The following ACVR1B variants were observed in gnomAD, a reference collection of about 807,000 sequenced individuals.
ACVR1B encodes the protein activin A receptor type 1B.
A neutral mutation model predicts 55.6 loss-of-function variants in ACVR1B; 15 were observed. The observed-to-expected ratio is 0.27, with a 90% CI of 0.18 to 0.42. ACVR1B has a LOEUF of 0.42. ACVR1B is among the 10% of genes least tolerant of loss of function. ACVR1B has a pLI of 1.00. For missense variants in ACVR1B, 359 were observed against 670.1 expected, an observed-to-expected ratio of 0.54 and a Z score of 5.13; for synonymous variants, 247 against 254.6, an observed-to-expected ratio of 0.97 and a Z score of 0.28.
chr12:51,983,847 G>A, intron 4 of ACVR1B, 152 bp from the exon 5 acceptor site: 1 of 723,700 alleles, frequency 1.4e-6, no homozygotes, highest in Non-Finnish European at 2.3e-6. Context: ...TAAATGAAAG[G>A]ATGCTAGATG....
intron 7 of ACVR1B, among the ~76,000 whole-genome samples, chr12:51,990,575 C>G (rs1034092638): frequency 6.6e-6 from 1 of 152,066 alleles, no homozygotes; most frequent in African/African-American, 2.4e-5. Flanking sequence ...CTCGGCCTCC[C>G]AAAGTGCTAG....
intron 4 of ACVR1B, 35 bp from the exon 5 acceptor site, chr12:51,983,964 C>T (rs548913818): frequency 1.2e-6 from 2 of 1,612,226 alleles, no homozygotes; most frequent in Admixed American, 1.7e-5. Context: ...CTGATAGTTA[C>T]ACTTTTTCTG....
At chr12:51,965,929 C>T (rs1490602220) in intron 1 of ACVR1B, among the ~76,000 whole-genome samples, 1 of 152,082 alleles carries the variant, frequency 6.6e-6, no homozygotes, top group Non-Finnish European at 1.5e-5. Flanking sequence ...AGAGGGAATA[C>T]TTAGTCTTTT....
chr12:51,961,492 T>C (rs1676373239), intron 1 of ACVR1B, among the ~76,000 whole-genome samples: 1 of 152,236 alleles, frequency 6.6e-6, no homozygotes. Flanking sequence ...CATCTCTGTT[T>C]ATCCTACCAC....
chr12:51,973,387 A>G (rs560349676), intron 1 of ACVR1B, among the ~76,000 whole-genome samples: 3 of 152,142 alleles, frequency 2.0e-5, no homozygotes, highest in South Asian at 4.2e-4. Context: ...TCCATAGAGA[A>G]CCCCTTTTAA....
chr12:51,953,855 G>A (rs918052597), intron 1 of ACVR1B, among the ~76,000 whole-genome samples: 1 of 152,136 alleles, frequency 6.6e-6, no homozygotes, highest in African/African-American at 2.4e-5. Flanking sequence ...GGATGTTTGT[G>A]GGGGTTAAGG....
At position 51,959,794 on chromosome 12, in the gene ACVR1B, A is replaced by C. The variant is rs17126215; in HGVS notation, c.91+7960A>C. On this transcript the variant is annotated intron_variant, in intron 1 of 8. Transcript: ENST00000257963. ...CCACATGTGGCTTTCATCTGACTAT[A>C]ACTTTTTTCTAGATATTTGTGAGTG... Among the ~76,000 whole-genome samples, 1,434 of 152,232 alleles carry C rather than the reference A, an allele frequency of 9.4e-3. 29 individuals are homozygous for C. The highest frequency in any genetic ancestry group is 0.033 in the African/African-American group (1,368 of 41,518).
intron 8 of ACVR1B, among the ~76,000 whole-genome samples, chr12:51,992,799 C>G (rs1310806238): frequency 2.0e-5 from 3 of 152,094 alleles, no homozygotes; most frequent in Non-Finnish European, 4.4e-5. Context: ...GGAGAGACGG[C>G]AGATGAAATC....
At chr12:51,953,591 TAG>T in intron 1 of ACVR1B, 2 of 887,812 alleles carry the variant, frequency 2.3e-6, no homozygotes, top group Non-Finnish European at 2.7e-6. Flanking sequence ...CTCTACTGGG[TAG>T]TAAAAAAAAA....
intron 4 of ACVR1B, chr12:51,982,882 A>C (rs977266977): frequency 7.3e-7 from 1 of 1,365,088 alleles, no homozygotes; most frequent in African/African-American, 1.5e-5. Context: ...GGATCAAATC[A>C]TGTCTTCTCT....
intron 7 of ACVR1B, among the ~76,000 whole-genome samples, chr12:51,991,264 A>C (rs1942187084): frequency 6.6e-6 from 1 of 152,198 alleles, no homozygotes; most frequent in Non-Finnish European, 1.5e-5. Flanking sequence ...TCTTATTGTT[A>C]CTTAAAAGTT....
At chr12:51,969,638 G>T (rs1941708068) in intron 1 of ACVR1B, among the ~76,000 whole-genome samples, 5 of 152,184 alleles carry the variant, frequency 3.3e-5, no homozygotes, top group Admixed American at 2.6e-4. Context: ...AGAAAGACTT[G>T]ATCTGGACTT....
At chr12:51,973,595 A>C (rs1316911867) in intron 1 of ACVR1B, among the ~76,000 whole-genome samples, 1 of 152,168 alleles carries the variant, frequency 6.6e-6, no homozygotes, top group African/African-American at 2.4e-5. Flanking sequence ...TTTGTGTCTA[A>C]ATGGGTTAGA....
rs113382115 is a variant in ACVR1B, at chr12:51,976,316, A to G, written c.332-11A>G. On this transcript the variant is annotated splice_polypyrimidine_tract_variant and intron_variant, in intron 2 of 8. Coordinates refer to ENST00000257963, the MANE Select transcript of ACVR1B (RefSeq NM_004302.5). ...TCTCATTCTTTCCCTCTCCTCTCTCACTTGACTCAGGTCACCTCAAGGAGC... is the reference window on the plus strand; with the variant it reads ...TCTCATTCTTTCCCTCTCCTCTCTCGCTTGACTCAGGTCACCTCAAGGAGC... The G allele has an allele frequency of 5.6e-6, 9 of 1,613,544 alleles. No homozygotes were observed. In the African/African-American group the frequency reaches 1.1e-4, roughly 19 times the overall value.
chr12:51,981,253 G>GCATAGCTGTGCACCC, intron 4 of ACVR1B, 54 bp downstream of exon 4: 5 of 1,496,456 alleles, frequency 3.3e-6, no homozygotes, highest in Non-Finnish European at 4.6e-6. Flanking sequence ...TAGAGAAAGT[G>GCATAGCTGTGCACCC]CATAGCTATG....
intron 1 of ACVR1B, among the ~76,000 whole-genome samples, chr12:51,972,676 A>G (rs546357308): frequency 6.6e-6 from 1 of 152,292 alleles, no homozygotes; most frequent in East Asian, 1.9e-4. Flanking sequence ...AGCCTTTCTG[A>G]CCTGTCCTGC....
Position 51,989,302 on chromosome 12 carries a change from T to G in ACVR1B, c.1261+2360T>G, listed in dbSNP as rs187563519. 3.2e-3 allele frequency among the ~76,000 whole-genome samples: 482 copies of G among 152,326 alleles called. 3 individuals are homozygous for G. Among genetic ancestry groups the G allele is most frequent in the African/African-American group, 0.011 (458 of 41,564 alleles). On this transcript the variant is annotated intron_variant, in intron 7 of 8. Transcript: ENST00000257963. ...AATTGGCTTTTTATTTTTATTTTTT[T>G]GAGAGAGGGTTTCTCTTTGTCACCC...
At chr12:51,989,528 A>G (rs985092225) in intron 7 of ACVR1B, among the ~76,000 whole-genome samples, 7 of 152,020 alleles carry the variant, frequency 4.6e-5, no homozygotes, top group African/African-American at 1.4e-4. Flanking sequence ...CAGGTGGTCC[A>G]CCTGCCTTAG....
chr12:51,988,445 C>T (rs759605949), intron 7 of ACVR1B, among the ~76,000 whole-genome samples: 5 of 152,118 alleles, frequency 3.3e-5, no homozygotes, highest in African/African-American at 7.2e-5. Context: ...TGCAGCCTTG[C>T]GACAGAGCGA....
Sources: gnomAD v4.1 joint callset for allele counts (sites outside exome capture counted in the v4.1 genomes callset) on GRCh38, gnomAD v4.1.1 for gene constraint, MANE v1.5 for transcripts, NCBI Gene and HGNC (gene_info 2026-07-23, HGNC 2026-07-21) for gene names.